Variants in PPP3CA observed in about 807,000 individuals in gnomAD.
PPP3CA encodes CAM-PRP catalytic subunit.
Under a neutral mutation model 66.5 loss-of-function variants are expected in PPP3CA, and 14 were observed. The observed-to-expected ratio is 0.21, with a 90% CI of 0.14 to 0.33. The LOEUF (loss-of-function observed/expected upper bound fraction) is 0.33, where lower values mean the gene tolerates loss of function less well. PPP3CA is among the 10% of genes least tolerant of loss of function. The probability of loss-of-function intolerance (pLI) is 1.00; values close to 1 mark genes in which losing one functional copy is unlikely to be tolerated. For missense variants in PPP3CA, 317 were observed against 639.5 expected (o/e 0.50, Z 5.44); for synonymous variants, 232 against 226.2 (o/e 1.03, Z -0.23).
rs548702951 is a variant in PPP3CA at position 101,058,764 on chromosome 4, G to A, written c.1156+2323C>T. ...TAGAAGTGAAGTAAGCACAGGGTTA[G>A]TCTTGGTAATGTTGGTAACTGTGCA... On this transcript the variant is annotated intron_variant, in intron 10 of 13. Coordinates refer to ENST00000394854, the MANE Select transcript of PPP3CA (RefSeq NM_000944.5). 4.7e-4 allele frequency among the ~76,000 whole-genome samples: 72 copies of A among 152,290 alleles called. 1 individual carries two copies. Among genetic ancestry groups the A allele is most frequent in the African/African-American group, 1.7e-3 (70 of 41,572 alleles).
chr4:101,345,995 C>T (rs936963491), intron 1 of PPP3CA, among the ~76,000 whole-genome samples: 3 of 152,182 alleles, frequency 2.0e-5, no homozygotes, highest in Non-Finnish European at 4.4e-5. Context: ...TTTCGTGTCT[C>T]TCCCCGGGGC....
chr4:101,245,946 T>C (rs1473855832), intron 1 of PPP3CA, among the ~76,000 whole-genome samples: 2 of 152,074 alleles, frequency 1.3e-5, no homozygotes, highest in Non-Finnish European at 1.5e-5. Context: ...TATTAACCCA[T>C]TGTCACTCAT....
rs1039507180 is a variant in PPP3CA, at chr4:101,322,758, C to T, written c.58+23981G>A. On this transcript the variant is annotated intron_variant, in intron 1 of 13. Coordinates refer to ENST00000394854, the MANE Select transcript of PPP3CA (RefSeq NM_000944.5). Reference sequence around the variant, plus strand: ...GATGCAGCCTTTGCATCCTCAGGAACTATGAGAAATAAATTTTTGTTTACA... The same window carrying T: ...GATGCAGCCTTTGCATCCTCAGGAATTATGAGAAATAAATTTTTGTTTACA... Among the ~76,000 whole-genome samples, 8 of 152,078 alleles carry T rather than the reference C, an allele frequency of 5.3e-5. No individual in the cohort carries two copies. The South Asian group carries it at 6.2e-4, about 12-fold the overall frequency.
chr4:101,323,281 G>A (rs1169818018), intron 1 of PPP3CA, among the ~76,000 whole-genome samples: 2 of 152,122 alleles, frequency 1.3e-5, no homozygotes, highest in African/African-American at 2.4e-5. Context: ...CTAATCTAAT[G>A]AATTGTTTTT....
intron 2 of PPP3CA, among the ~76,000 whole-genome samples, chr4:101,124,705 GAA>G (rs745682687): frequency 5.4e-4 from 52 of 96,780 alleles, no homozygotes; most frequent in East Asian, 2.0e-3. Flanking sequence ...AAGAAAGAAA[GAA>G]AGAAAGAAAG....
At chr4:101,230,116 T>C (rs1373651617) in intron 1 of PPP3CA, among the ~76,000 whole-genome samples, 1 of 151,690 alleles carries the variant, frequency 6.6e-6, no homozygotes, top group African/African-American at 2.4e-5. Context: ...TTTTTTAATC[T>C]ATTTTGCAGC....
At chr4:101,184,325 C>T (rs561135120) in intron 2 of PPP3CA, among the ~76,000 whole-genome samples, 15 of 152,260 alleles carry the variant, frequency 9.9e-5, no homozygotes, top group African/African-American at 3.6e-4. Context: ...CAGTTCCCTG[C>T]ACTTGATTCC....
In PPP3CA at chr4:101,109,442, A is replaced by G. The variant is rs374384669; in HGVS notation, c.260-364T>C. Reference sequence around the variant, plus strand: ...AATGTAACCCTAAAAATGCCATGAGATATGTTTTCATTTTGCAGGTAAAAG... The same window carrying G: ...AATGTAACCCTAAAAATGCCATGAGGTATGTTTTCATTTTGCAGGTAAAAG... On this transcript the variant is annotated intron_variant, in intron 2 of 13. Coordinates refer to ENST00000394854, the MANE Select transcript of PPP3CA (RefSeq NM_000944.5). 1.5e-3 allele frequency among the ~76,000 whole-genome samples: 221 copies of G among 151,996 alleles called. 1 individual carries two copies. The highest frequency in any genetic ancestry group is 5.1e-3 in the African/African-American group (213 of 41,510).
chr4:101,112,171 A>T (rs1028763893), intron 2 of PPP3CA, among the ~76,000 whole-genome samples: 1 of 152,186 alleles, frequency 6.6e-6, no homozygotes, highest in African/African-American at 2.4e-5. Context: ...CAACTGAAGC[A>T]TAATCTGGCA....
intron 3 of PPP3CA, among the ~76,000 whole-genome samples, chr4:101,106,731 C>A (rs541711901): frequency 6.6e-6 from 1 of 152,236 alleles, no homozygotes; most frequent in East Asian, 1.9e-4. Flanking sequence ...ATACCCTTCT[C>A]TTTCTCCCTT....
intron 1 of PPP3CA, among the ~76,000 whole-genome samples, chr4:101,214,428 C>T (rs1025930626): frequency 2.0e-5 from 3 of 152,068 alleles, no homozygotes; most frequent in Non-Finnish European, 2.9e-5. Flanking sequence ...CATTATGAGA[C>T]TTCATAAAGT....
At chr4:101,145,418 A>G (rs1376950935) in intron 2 of PPP3CA, among the ~76,000 whole-genome samples, 2 of 152,216 alleles carry the variant, frequency 1.3e-5, no homozygotes, top group Admixed American at 6.5e-5. Flanking sequence ...AACATGGTAC[A>G]TATACATAAG....
intron 1 of PPP3CA, among the ~76,000 whole-genome samples, chr4:101,265,497 G>C (rs1287116525): frequency 6.6e-6 from 1 of 152,136 alleles, no homozygotes; most frequent in Non-Finnish European, 1.5e-5. Flanking sequence ...ATCACAAACA[G>C]AGAAGATAGG....
At chr4:101,312,810 A>T (rs554388412) in intron 1 of PPP3CA, among the ~76,000 whole-genome samples, 1 of 152,238 alleles carries the variant, frequency 6.6e-6, no homozygotes, top group Non-Finnish European at 1.5e-5. Flanking sequence ...AAAAGTAAGC[A>T]TAAGTGCTTT....
At chr4:101,251,045 T>G (rs1726659555) in intron 1 of PPP3CA, among the ~76,000 whole-genome samples, 1 of 152,038 alleles carries the variant, frequency 6.6e-6, no homozygotes, top group Non-Finnish European at 1.5e-5. Flanking sequence ...AAAACAATAC[T>G]TCCACTTGAC....
intron 1 of PPP3CA, among the ~76,000 whole-genome samples, chr4:101,280,757 C>G (rs1227382443): frequency 6.8e-6 from 1 of 148,084 alleles, no homozygotes; most frequent in Non-Finnish European, 1.5e-5. Context: ...GAGGCAGAGG[C>G]TGCAGTGAGC....
chr4:101,218,751 G>GA (rs958330601), intron 1 of PPP3CA, among the ~76,000 whole-genome samples: 97 of 151,514 alleles, frequency 6.4e-4, no homozygotes, highest in Non-Finnish European at 9.6e-4. Flanking sequence ...TACTCTCTGA[G>GA]AAAAAAAAGA....
chr4:101,047,855 T>C (rs906455202), intron 10 of PPP3CA, among the ~76,000 whole-genome samples: 1 of 152,080 alleles, frequency 6.6e-6, no homozygotes, highest in Non-Finnish European at 1.5e-5. Flanking sequence ...GAATAAATAA[T>C]ATAATTATTA....
At chr4:101,175,328 C>T (rs909889221) in intron 2 of PPP3CA, among the ~76,000 whole-genome samples, 6 of 152,114 alleles carry the variant, frequency 3.9e-5, no homozygotes, top group Admixed American at 3.3e-4. Context: ...TAATAGCCAA[C>T]TATAATTGAA....
Sources: gnomAD v4.1 joint callset for allele counts (sites outside exome capture counted in the v4.1 genomes callset) on GRCh38, gnomAD v4.1.1 for gene constraint, MANE v1.5 for transcripts, NCBI Gene and HGNC (gene_info 2026-07-23, HGNC 2026-07-21) for gene names.